MYLK4: variants seen among roughly 807,000 people sequenced by gnomAD.
The protein encoded by MYLK4 is myosin light chain kinase family member 4, also known as caMLCK like.
MYLK4 carries 46 observed loss-of-function variants against 48.1 expected under a neutral mutation model. The observed-to-expected ratio is 0.96, with a 90% confidence interval of 0.75 to 1.22. MYLK4 has a LOEUF of 1.22. MYLK4 is among the 50% of genes most tolerant of loss of function. MYLK4 has a pLI of 0.00. For synonymous variants in MYLK4, 170 were observed against 180.8 expected, an observed-to-expected ratio of 0.94 and a Z score of 0.48; for missense variants, 451 against 486.1, an observed-to-expected ratio of 0.93 and a Z score of 0.68.
the MYLK4 span, among the ~76,000 whole-genome samples, chr6:2,760,206 T>C: frequency 2.6e-5 from 4 of 152,212 alleles, no homozygotes; most frequent in African/African-American, 4.8e-5. Context: ...ATTTACATTG[T>C]ATTAGGTATC....
the MYLK4 span, chr6:2,766,342 C>A: frequency 3.8e-5 from 62 of 1,610,542 alleles, no homozygotes; most frequent in Non-Finnish European, 4.1e-5. Flanking sequence ...AGGATTACTT[C>A]GGGCAGAGCA....
At chr6:2,761,221 T>C in the MYLK4 span, among the ~76,000 whole-genome samples, 1 of 152,144 alleles carries the variant, frequency 6.6e-6, no homozygotes, top group South Asian at 2.1e-4. Context: ...ACAGAGAAGA[T>C]AGTTACACAC....
At chr6:2,678,139 T>C in intron 10 of MYLK4, 81 bp downstream of exon 10, 1 of 1,511,472 alleles carries the variant, frequency 6.6e-7, no homozygotes, top group South Asian at 1.3e-5. Context: ...AGTAAGAGAA[T>C]AAATTCGAAC....
chr6:2,736,444 G>A (rs1853646), intron 2 of MYLK4, among the ~76,000 whole-genome samples: 70,832 of 152,066 alleles, frequency 0.47, 16,729 homozygotes, highest in East Asian at 0.55. Context: ...AACCTCTCAG[G>A]GCCTTTAACA....
the MYLK4 span, among the ~76,000 whole-genome samples, chr6:2,767,480 C>T: frequency 6.6e-6 from 1 of 152,228 alleles, no homozygotes; most frequent in Non-Finnish European, 1.5e-5. Context: ...AACTCCAGTT[C>T]CTGGAATGAA....
intron 2 of MYLK4, among the ~76,000 whole-genome samples, chr6:2,724,919 G>A (rs1763202115): frequency 6.6e-6 from 1 of 152,182 alleles, no homozygotes; most frequent in East Asian, 1.9e-4. Context: ...GGGAGGCCGA[G>A]GTGGACGGAT....
At chr6:2,768,600 A>G in the MYLK4 span, 1 of 1,146,452 alleles carries the variant, frequency 8.7e-7, no homozygotes, top group Non-Finnish European at 1.2e-6. Flanking sequence ...GCTTTTGGTA[A>G]ATAGTGATGC....
the MYLK4 span, among the ~76,000 whole-genome samples, chr6:2,765,189 C>A: frequency 4.8e-5 from 5 of 104,166 alleles, no homozygotes; most frequent in Admixed American, 4.7e-4. Context: ...GCAACCCCCC[C>A]CCCCGCCCCT....
chr6:2,766,372 C>T, the MYLK4 span: 73 of 1,609,230 alleles, frequency 4.5e-5, no homozygotes, highest in East Asian at 3.1e-4. Context: ...GCCAGGATAC[C>T]CTGCTGCGCT....
At chr6:2,707,860 TTAAG>T (rs951703707) in intron 2 of MYLK4, among the ~76,000 whole-genome samples, 1 of 152,096 alleles carries the variant, frequency 6.6e-6, no homozygotes, top group Non-Finnish European at 1.5e-5. Context: ...TTTCAAGTGA[TTAAG>T]TAACTAAGAC....
the MYLK4 span, among the ~76,000 whole-genome samples, chr6:2,757,896 A>G: frequency 1.3e-5 from 2 of 152,240 alleles, no homozygotes; most frequent in Non-Finnish European, 2.9e-5. Context: ...CTAGTGGGAA[A>G]GTCATGGGCA....
chr6:2,678,464 G>T (rs1490094260), intron 9 of MYLK4, 92 bp from the exon 10 acceptor site: 1 of 1,381,614 alleles, frequency 7.2e-7, no homozygotes, highest in East Asian at 2.4e-5. Context: ...ATTTAAAGGT[G>T]AGAGAAGGAA....
chr6:2,708,286 G>A (rs994824076), intron 2 of MYLK4, among the ~76,000 whole-genome samples: 1 of 152,130 alleles, frequency 6.6e-6, no homozygotes, highest in Non-Finnish European at 1.5e-5. Flanking sequence ...GAAAACCTCA[G>A]TTTTAAAAAT....
At chr6:2,667,994 T>A (rs1333989853) in intron 12 of MYLK4, 95 bp from the exon 13 acceptor site, 1 of 152,062 alleles carries the variant, frequency 6.6e-6, no homozygotes, top group Non-Finnish European at 1.5e-5. Flanking sequence ...CACAGATGAT[T>A]TTTTTTAATA....
the MYLK4 span, among the ~76,000 whole-genome samples, chr6:2,763,408 T>C: frequency 6.6e-6 from 1 of 152,216 alleles, no homozygotes; most frequent in Non-Finnish European, 1.5e-5. Flanking sequence ...TCAGGGAGGC[T>C]TGGGCCGCGC....
intron 2 of MYLK4, among the ~76,000 whole-genome samples, chr6:2,740,046 T>C (rs559767319): frequency 2.1e-4 from 32 of 152,356 alleles, no homozygotes; most frequent in South Asian, 1.9e-3. Context: ...AAGTTGGGTA[T>C]AGCAGGACAA....
At chr6:2,710,126 T>G (rs1762622424) in intron 2 of MYLK4, among the ~76,000 whole-genome samples, 1 of 152,192 alleles carries the variant, frequency 6.6e-6, no homozygotes, top group Admixed American at 6.5e-5. Flanking sequence ...AGCTTTTAAG[T>G]ACTAATATAA....
At chr6:2,722,707 A>G (rs1405136274) in intron 2 of MYLK4, among the ~76,000 whole-genome samples, 2 of 152,096 alleles carry the variant, frequency 1.3e-5, no homozygotes, top group Non-Finnish European at 2.9e-5. Context: ...AGGAAATGAA[A>G]ATGTTTACCT....
At chr6:2,770,138 G>T in the MYLK4 span, 1 of 1,614,164 alleles carries the variant, frequency 6.2e-7, no homozygotes, top group Non-Finnish European at 8.5e-7. Context: ...CCTTCCTCAC[G>T]TGGAATGTGG....
Sources: allele counts gnomAD v4.1 joint callset (sites outside exome capture counted in the v4.1 genomes callset), GRCh38; gene constraint gnomAD v4.1.1; transcripts MANE v1.5; gene names NCBI Gene and HGNC (gene_info 2026-07-23, HGNC 2026-07-21).